Variants in MAF observed in about 807,000 individuals in gnomAD.
MAF encodes MAF bZIP transcription factor.
In MAF, 10 loss-of-function variants were observed where a neutral mutation model predicts 22.0. The ratio of observed to expected loss-of-function variants is 0.45; its 90% CI spans 0.28 to 0.77. The LOEUF is 0.77. Ranked by LOEUF, MAF falls within the 30% of genes least tolerant of loss-of-function variation. The probability of loss-of-function intolerance (pLI) is 0.12; values close to 1 mark genes in which losing one functional copy is unlikely to be tolerated. For synonymous variants in MAF, 337 were observed against 255.8 expected, an observed-to-expected ratio of 1.32 and a Z score of -3.03; for missense variants, 544 against 548.4, an observed-to-expected ratio of 0.99 and a Z score of 0.08.
the MAF span, among the ~76,000 whole-genome samples, chr16:79,479,834 G>A: frequency 6.6e-6 from 1 of 152,166 alleles, no homozygotes; most frequent in South Asian, 2.1e-4. Context: ...GAAAACTGGT[G>A]GTTCAATAAA....
the MAF span, among the ~76,000 whole-genome samples, chr16:79,424,027 T>G: frequency 1.2e-4 from 19 of 152,146 alleles, no homozygotes; most frequent in Admixed American, 4.6e-4. Context: ...TTTCATAGGT[T>G]TTCACCCATT....
At chr16:79,451,866 T>C in the MAF span, among the ~76,000 whole-genome samples, 1 of 152,210 alleles carries the variant, frequency 6.6e-6, no homozygotes, top group African/African-American at 2.4e-5. Context: ...TCAGAAGCCA[T>C]ACAACTATAT....
At chr16:79,488,393 G>T in the MAF span, among the ~76,000 whole-genome samples, 1 of 152,076 alleles carries the variant, frequency 6.6e-6, no homozygotes, top group Non-Finnish European at 1.5e-5. Context: ...AGACTGCTTG[G>T]GATTGGAGCT....
the MAF span, among the ~76,000 whole-genome samples, chr16:79,269,036 T>C: frequency 1.3e-5 from 2 of 152,230 alleles, no homozygotes; most frequent in Admixed American, 6.5e-5. Context: ...GTTTCCAATC[T>C]TTCTACCTTT....
downstream of MAF, among the ~76,000 whole-genome samples, chr16:79,588,847 T>C (rs1027209015): frequency 1.3e-5 from 2 of 152,142 alleles, no homozygotes; most frequent in Admixed American, 1.3e-4. Flanking sequence ...TAAATAAATT[T>C]TTTAAGCCAG....
chr16:79,243,144 G>A, the MAF span, among the ~76,000 whole-genome samples: 1 of 152,046 alleles, frequency 6.6e-6, no homozygotes, highest in South Asian at 2.1e-4. Context: ...AAAAGAACTA[G>A]AGAAGCAAGA....
the MAF span, among the ~76,000 whole-genome samples, chr16:79,429,265 A>G: frequency 6.6e-6 from 1 of 152,164 alleles, no homozygotes; most frequent in Non-Finnish European, 1.5e-5. Flanking sequence ...AGCCAATACA[A>G]ATATCCTGCC....
chr16:79,203,430 T>G, the MAF span: 1 of 152,028 alleles, frequency 6.6e-6, no homozygotes, highest in East Asian at 1.9e-4. Flanking sequence ...CCTCTTAATT[T>G]GTTTCTGGAA....
At chr16:79,346,935 A>G in the MAF span, among the ~76,000 whole-genome samples, 2 of 152,152 alleles carry the variant, frequency 1.3e-5, no homozygotes, top group African/African-American at 4.8e-5. Flanking sequence ...TTATTTTTTT[A>G]AGCTCCTCAA....
chr16:79,370,258 C>G, the MAF span, among the ~76,000 whole-genome samples: 1 of 152,100 alleles, frequency 6.6e-6, no homozygotes, highest in African/African-American at 2.4e-5. Context: ...TTGAGTTATT[C>G]TTTGGGTTGA....
chr16:79,510,462 T>G, the MAF span, among the ~76,000 whole-genome samples: 1 of 152,162 alleles, frequency 6.6e-6, no homozygotes, highest in Non-Finnish European at 1.5e-5. Flanking sequence ...CTCTGCTTCT[T>G]TCGAGATGTT....
At chr16:79,214,392 T>C in the MAF span, among the ~76,000 whole-genome samples, 1 of 152,170 alleles carries the variant, frequency 6.6e-6, no homozygotes, top group Admixed American at 6.6e-5. Context: ...TCCATCATTG[T>C]GACAATGATC....
At chr16:79,241,112 C>CA in the MAF span, among the ~76,000 whole-genome samples, 8 of 152,028 alleles carry the variant, frequency 5.3e-5, no homozygotes, top group Non-Finnish European at 1.2e-4. Context: ...CTGGAAATTC[C>CA]AAAAACCAGA....
At chr16:79,536,630 A>G in the MAF span, among the ~76,000 whole-genome samples, 2 of 152,238 alleles carry the variant, frequency 1.3e-5, no homozygotes, top group African/African-American at 4.8e-5. Context: ...CCATGGTGCT[A>G]GACTCCGTCT....
the MAF span, among the ~76,000 whole-genome samples, chr16:79,277,610 C>T: frequency 6.6e-6 from 1 of 152,134 alleles, no homozygotes; most frequent in Non-Finnish European, 1.5e-5. Context: ...AAAAGAGCCA[C>T]CTACATTTGT....
chr16:79,302,059 G>T, the MAF span, among the ~76,000 whole-genome samples: 3 of 152,140 alleles, frequency 2.0e-5, no homozygotes, highest in African/African-American at 7.2e-5. Flanking sequence ...TCCGCGGAGG[G>T]CCTGACTCTC....
the MAF span, among the ~76,000 whole-genome samples, chr16:79,470,425 C>G: frequency 6.6e-6 from 1 of 152,200 alleles, no homozygotes; most frequent in African/African-American, 2.4e-5. Flanking sequence ...GCAGAAAGAG[C>G]TGCCCACTCC....
At chr16:79,563,100 TACG>T in the MAF span, among the ~76,000 whole-genome samples, 11,544 of 152,234 alleles carry the variant, frequency 0.076, 468 homozygotes, top group Middle Eastern at 0.12. Context: ...CAGCAGAACT[TACG>T]CTCAGGAGGA....
chr16:79,207,691 T>C, the MAF span, among the ~76,000 whole-genome samples: 2 of 152,214 alleles, frequency 1.3e-5, no homozygotes, highest in Non-Finnish European at 2.9e-5. Context: ...CATTTTAAAA[T>C]AGAAAAACCT....
Sources: allele counts gnomAD v4.1 joint callset (sites outside exome capture counted in the v4.1 genomes callset), GRCh38; gene constraint gnomAD v4.1.1; transcripts MANE v1.5; gene names NCBI Gene and HGNC (gene_info 2026-07-23, HGNC 2026-07-21).